DRC8: variants seen among roughly 807,000 people sequenced by gnomAD.
DRC8 encodes dynein regulatory complex protein 8.
chr1:245,074,834 T>G, the DRC8 span, among the ~76,000 whole-genome samples: 1 of 152,234 alleles, frequency 6.6e-6, no homozygotes, highest in Non-Finnish European at 1.5e-5. Context: ...ATTTTCTAAA[T>G]TGTGTTTATG....
At chr1:245,118,091 A>G in the DRC8 span, among the ~76,000 whole-genome samples, 2 of 152,188 alleles carry the variant, frequency 1.3e-5, no homozygotes, top group Non-Finnish European at 2.9e-5. Flanking sequence ...AATAATTACA[A>G]AACTACGTGA....
chr1:244,970,182 C>A, the DRC8 span: 1 of 712,712 alleles, frequency 1.4e-6, no homozygotes. Context: ...AGGCCGGGGG[C>A]CGGGTGGCAG....
the DRC8 span, among the ~76,000 whole-genome samples, chr1:245,049,805 G>T: frequency 6.6e-6 from 1 of 152,152 alleles, no homozygotes; most frequent in Non-Finnish European, 1.5e-5. This position sits in a 1 kb window ranked among gnomAD's most constrained non-coding sequence, Gnocchi z 4.5. Context: ...GGCAGCAGTC[G>T]CAGTGGCAGG....
the DRC8 span, among the ~76,000 whole-genome samples, chr1:245,069,904 G>T: frequency 6.6e-6 from 1 of 152,000 alleles, no homozygotes; most frequent in Non-Finnish European, 1.5e-5. Flanking sequence ...AATTAGCCAG[G>T]CTTGGTGGTG....
the DRC8 span, among the ~76,000 whole-genome samples, chr1:244,998,063 C>T: frequency 6.6e-6 from 1 of 152,014 alleles, no homozygotes; most frequent in Non-Finnish European, 1.5e-5. Context: ...CTCCAGTGAC[C>T]TTCACTTCCA....
At chr1:245,035,604 C>T in the DRC8 span, among the ~76,000 whole-genome samples, 6 of 152,274 alleles carry the variant, frequency 3.9e-5, no homozygotes, top group South Asian at 2.1e-4. Flanking sequence ...CAGTGGCTCA[C>T]GCCTGTAATT....
At chr1:245,087,659 C>A in the DRC8 span, 1 of 1,041,690 alleles carries the variant, frequency 9.6e-7, no homozygotes, top group Non-Finnish European at 1.2e-6. Flanking sequence ...ATTAATTAAG[C>A]TGACAAAATG....
the DRC8 span, among the ~76,000 whole-genome samples, chr1:244,986,764 A>G: frequency 1.1e-4 from 17 of 149,244 alleles, no homozygotes; most frequent in Non-Finnish European, 2.4e-4. Flanking sequence ...AAAAAAAAAG[A>G]TCACTTGCTT....
the DRC8 span, among the ~76,000 whole-genome samples, chr1:245,000,715 A>C: frequency 6.6e-6 from 1 of 151,556 alleles, no homozygotes; most frequent in African/African-American, 2.4e-5. Context: ...CTGGAGGCGG[A>C]GCTTGCTGTG....
chr1:245,050,419 C>T, the DRC8 span, among the ~76,000 whole-genome samples: 227 of 152,220 alleles, frequency 1.5e-3, no homozygotes, highest in African/African-American at 5.3e-3. Context: ...GTTTTCTACT[C>T]ATCCTTCTTG....
chr1:245,051,992 G>A, the DRC8 span, among the ~76,000 whole-genome samples: 54 of 152,156 alleles, frequency 3.5e-4, no homozygotes, highest in Non-Finnish European at 5.6e-4. Flanking sequence ...CCCAGTGATC[G>A]TGCAGTTCAC....
the DRC8 span, among the ~76,000 whole-genome samples, chr1:245,111,529 A>G: frequency 3.3e-5 from 5 of 152,242 alleles, no homozygotes; most frequent in African/African-American, 1.2e-4. Flanking sequence ...TCATATTTAT[A>G]GATTTTGGCT....
the DRC8 span, among the ~76,000 whole-genome samples, chr1:245,066,452 G>A: frequency 6.6e-6 from 1 of 152,204 alleles, no homozygotes; most frequent in African/African-American, 2.4e-5. Context: ...AAGTATGCAT[G>A]TGTAAATATT....
the DRC8 span, among the ~76,000 whole-genome samples, chr1:244,990,090 T>C: frequency 3.3e-5 from 5 of 152,220 alleles, no homozygotes; most frequent in Non-Finnish European, 7.3e-5. Context: ...TGACCCGGGA[T>C]CTCCCAAGGC....
the DRC8 span, among the ~76,000 whole-genome samples, chr1:245,047,381 T>A: frequency 1.3e-5 from 2 of 152,230 alleles, no homozygotes; most frequent in East Asian, 1.9e-4. Flanking sequence ...ACGCCTGTAA[T>A]CCTAGCACTT....
chr1:244,984,340 C>CT, the DRC8 span, among the ~76,000 whole-genome samples: 1 of 152,086 alleles, frequency 6.6e-6, no homozygotes, highest in South Asian at 2.1e-4. Context: ...TATTGTCTCT[C>CT]TATCCTGTTA....
the DRC8 span, among the ~76,000 whole-genome samples, chr1:245,084,268 A>C: frequency 6.6e-6 from 1 of 151,950 alleles, no homozygotes; most frequent in Non-Finnish European, 1.5e-5. Flanking sequence ...TTTTTAGTAG[A>C]GATGGGTTTC....
At chr1:245,081,899 T>C in the DRC8 span, among the ~76,000 whole-genome samples, 1 of 152,216 alleles carries the variant, frequency 6.6e-6, no homozygotes, top group East Asian at 1.9e-4. Flanking sequence ...TCAGCTGTGC[T>C]CCAGTTGAAT....
At chr1:245,110,063 G>C in the DRC8 span, among the ~76,000 whole-genome samples, 1 of 152,152 alleles carries the variant, frequency 6.6e-6, no homozygotes, top group African/African-American at 2.4e-5. Context: ...CTGGAGTAAA[G>C]ACTTCGTTAA....
Sources: allele counts gnomAD v4.1 joint callset (sites outside exome capture counted in the v4.1 genomes callset), GRCh38; gene constraint gnomAD v4.1.1; non-coding constraint Gnocchi (gnomAD v3.1); transcripts MANE v1.5; gene names NCBI Gene and HGNC (gene_info 2026-07-23, HGNC 2026-07-21).